Variants in IL5RA observed in about 807,000 individuals in gnomAD.
The protein encoded by IL5RA is interleukin-5 receptor subunit alpha.
A neutral mutation model predicts 50.0 loss-of-function variants in IL5RA; 49 were observed. That is an observed-to-expected ratio of 0.98 (90% CI 0.78 to 1.24). The LOEUF is 1.24. Ranked by LOEUF, IL5RA falls within the 50% of genes most tolerant of loss-of-function variation. IL5RA has a pLI of 0.00. For synonymous variants in IL5RA, 202 were observed against 174.0 expected (o/e 1.16, Z -1.26); for missense variants, 600 against 500.4 (o/e 1.20, Z -1.90).
At chr3:3,073,688 T>C (rs1374946163) in intron 11 of IL5RA, 3 of 384,942 alleles carry the variant, frequency 7.8e-6, no homozygotes, top group African/African-American at 6.4e-5. Context: ...TGATATGCTA[T>C]GTTTATAGAT....
At chr3:3,109,191 T>C (rs1403354739) in intron 1 of IL5RA, among the ~76,000 whole-genome samples, 1 of 152,140 alleles carries the variant, frequency 6.6e-6, no homozygotes, top group African/African-American at 2.4e-5. Context: ...TACATGGAAA[T>C]ATGCTTACCT....
chr3:3,091,574 A>G (rs1279763029), intron 9 of IL5RA, among the ~76,000 whole-genome samples: 1 of 152,194 alleles, frequency 6.6e-6, no homozygotes, highest in African/African-American at 2.4e-5. Context: ...TCTACTAAAA[A>G]TACAAAAATT....
chr3:3,094,698 A>G (rs779728356), intron 8 of IL5RA, among the ~76,000 whole-genome samples: 1 of 151,904 alleles, frequency 6.6e-6, no homozygotes, highest in Non-Finnish European at 1.5e-5. Flanking sequence ...TTTTTATAGT[A>G]GCTGCATTAT....
In IL5RA at chr3:3,066,988, T is replaced by C. The variant is rs1559855535; in HGVS notation, c.*3237A>G. The C allele has an allele frequency of 1.3e-5, 2 of 152,226 alleles. No individual in the cohort carries two copies. Among genetic ancestry groups the C allele is most frequent in the Non-Finnish European group, 2.9e-5 (2 of 68,056 alleles). 9.4% of individuals were successfully genotyped at this position (152,226 alleles called of 1,614,324 possible). A position where few individuals can be genotyped will look rare whatever the true frequency, so the allele number is the denominator to read the frequency against. On this transcript the variant is annotated 3_prime_UTR_variant, in exon 12 of 12. Transcript: ENST00000446632. ...CTAGGAGAAAAGTGACTCTCTACAC[T>C]CGTCCTAGTGAGAGATGGCAAGAGA... is the stretch of plus-strand genomic sequence containing the variant.
At chr3:3,097,287 A>G (rs191664491) in intron 7 of IL5RA, among the ~76,000 whole-genome samples, 73 of 152,188 alleles carry the variant, frequency 4.8e-4, no homozygotes, top group Middle Eastern at 6.8e-3. Flanking sequence ...TGAGAAATTC[A>G]GAGAGAGAGA....
In IL5RA at chr3:3,067,663, A is replaced by T. The variant is rs1702168309; in HGVS notation, c.*2562T>A. ...TTCCCAAAGAATGACTATGAGTTGC[A>T]CAGGGCAAGAAGGGAGGAAGGAGTT... On this transcript the variant is annotated 3_prime_UTR_variant, in exon 12 of 12. Coordinates refer to ENST00000446632, the MANE Select transcript of IL5RA (RefSeq NM_175726.4). 6.6e-6 allele frequency: 1 copy of T among 152,306 alleles called. No homozygotes were observed. The highest frequency in any genetic ancestry group is 2.1e-4 in the South Asian group (1 of 4,830). 9.4% of individuals were successfully genotyped at this position (152,306 alleles called of 1,614,324 possible). A position where few individuals can be genotyped will look rare whatever the true frequency, so the allele number is the denominator to read the frequency against.
intron 9 of IL5RA, among the ~76,000 whole-genome samples, chr3:3,077,430 C>T (rs1702524865): frequency 1.3e-5 from 2 of 152,280 alleles, no homozygotes; most frequent in South Asian, 2.1e-4. Flanking sequence ...TCTATGATAG[C>T]TTTGGGGTGT....
intron 5 of IL5RA, 58 bp from the exon 6 acceptor site, chr3:3,098,348 G>C (rs1261932057): frequency 6.8e-7 from 1 of 1,463,618 alleles, no homozygotes. Flanking sequence ...TGAATTTCAT[G>C]CTTCTTTTGG....
intron 7 of IL5RA, 31 bp from the exon 8 acceptor site, chr3:3,095,475 T>TC: frequency 6.3e-7 from 1 of 1,589,604 alleles, no homozygotes; most frequent in Non-Finnish European, 8.6e-7. Context: ...TCAGTGATTT[T>TC]TTTTTTAGAA....
At chr3:3,097,118 G>T (rs373358398) in intron 7 of IL5RA, among the ~76,000 whole-genome samples, 8 of 152,198 alleles carry the variant, frequency 5.3e-5, no homozygotes, top group African/African-American at 1.9e-4. Flanking sequence ...ATGTGAGAGC[G>T]CCTGATGAGT....
intron 9 of IL5RA, among the ~76,000 whole-genome samples, chr3:3,079,501 GAC>G (rs1178788601): frequency 2.6e-5 from 4 of 152,092 alleles, no homozygotes; most frequent in African/African-American, 9.7e-5. Flanking sequence ...ATTAGTGCCG[GAC>G]AGGCAGGCTT....
At chr3:3,087,358 G>A (rs1378892062) in intron 9 of IL5RA, among the ~76,000 whole-genome samples, 1 of 152,072 alleles carries the variant, frequency 6.6e-6, no homozygotes, top group Non-Finnish European at 1.5e-5. Flanking sequence ...GTGCTCCTTG[G>A]CTGGCCAGGG....
chr3:3,078,144 C>T (rs187551335), intron 9 of IL5RA, among the ~76,000 whole-genome samples: 1 of 152,294 alleles, frequency 6.6e-6, no homozygotes, highest in East Asian at 1.9e-4. Flanking sequence ...TTCAACCACA[C>T]CGCACCAGGA....
At chr3:3,088,339 G>C (rs1702956938) in intron 9 of IL5RA, among the ~76,000 whole-genome samples, 1 of 152,122 alleles carries the variant, frequency 6.6e-6, no homozygotes, top group Non-Finnish European at 1.5e-5. Context: ...AGCCCAGAGA[G>C]GTTAGGTGTA....
rs55736610 is a variant in IL5RA at position 3,071,552 on chromosome 3, AGTGTGTGTGTGTGTGT to A, written c.1177-1257_1177-1242del. ...CTAAAGGCCAACTTTCTTCCTTCAC[AGTGTGTGTGTGTGTGT>A]GTGTGTGTGTGTGTGTGTGTGTGTG... On this transcript the variant is annotated intron_variant, in intron 11 of 11. Coordinates refer to ENST00000446632, the MANE Select transcript of IL5RA (RefSeq NM_175726.4). Among the ~76,000 whole-genome samples the A allele has an allele frequency of 4.2e-4, 57 of 136,066 alleles. 1 individual carries two copies. Among genetic ancestry groups the A allele is most frequent in the Admixed American group, 1.1e-3 (15 of 13,054 alleles). The allele number at this position is 136,066 out of a possible 152,430, so 89.3% of individuals were successfully genotyped here. A position where few individuals can be genotyped will look rare whatever the true frequency, so the allele number is the denominator to read the frequency against.
intron 7 of IL5RA, among the ~76,000 whole-genome samples, chr3:3,096,733 T>C (rs334804): frequency 0.79 from 120,002 of 152,130 alleles, 47,546 homozygotes; most frequent in South Asian, 0.9. Context: ...AAGAAATATA[T>C]TACTGGAGAG....
intron 10 of IL5RA, among the ~76,000 whole-genome samples, chr3:3,075,835 C>T (rs1365488786): frequency 2.0e-5 from 3 of 151,964 alleles, no homozygotes; most frequent in Non-Finnish European, 4.4e-5. Flanking sequence ...CTCCTGACCT[C>T]ATGGTCCACC....
Position 3,107,299 on chromosome 3 carries a change from C to T in IL5RA, c.-4+1251G>A, listed in dbSNP as rs1420914370. Among the ~76,000 whole-genome samples, 6 of 150,234 alleles carry T rather than the reference C, an allele frequency of 4.0e-5. No homozygotes were observed. In the East Asian group the frequency reaches 1.2e-3, roughly 29 times the overall value. On this transcript the variant is annotated intron_variant, in intron 2 of 11. Transcript: ENST00000446632. ...AAATTTTACATAAGGTTGAATAGTA[C>T]TAGAGCTTCAGGATTTGATACCATG...
At chr3:3,086,177 C>T (rs1559866704) in intron 9 of IL5RA, among the ~76,000 whole-genome samples, 2 of 152,184 alleles carry the variant, frequency 1.3e-5, no homozygotes, top group Non-Finnish European at 2.9e-5. Flanking sequence ...AAAGACACGG[C>T]CAGAAATAAG....
Sources: gnomAD v4.1 joint callset for allele counts (sites outside exome capture counted in the v4.1 genomes callset) on GRCh38, gnomAD v4.1.1 for gene constraint, MANE v1.5 for transcripts, NCBI Gene and HGNC (gene_info 2026-07-23, HGNC 2026-07-21) for gene names.